The following FRY variants were observed in gnomAD, a reference collection of about 807,000 sequenced individuals.
FRY encodes the protein FRY microtubule binding protein, also known as protein furry homolog.
FRY carries 128 observed loss-of-function variants against 348.4 expected under a neutral mutation model. The ratio of observed to expected loss-of-function variants is 0.37; its 90% confidence interval spans 0.32 to 0.43. The LOEUF (loss-of-function observed/expected upper bound fraction) is 0.43. Ranked by LOEUF, FRY falls within the 20% of genes least tolerant of loss-of-function variation. FRY has a pLI of 1.00. For missense variants in FRY, 2,736 were observed against 3,695.2 expected (o/e 0.74, Z 6.73); for synonymous variants, 1,370 against 1,374.7 (o/e 1.00, Z 0.08).
chr13:32,200,441 A>G (rs965635833), intron 29 of FRY, among the ~76,000 whole-genome samples: 4 of 152,184 alleles, frequency 2.6e-5, no homozygotes, highest in South Asian at 2.1e-4. Context: ...GTTCAACTCA[A>G]CCAGGTGCAG....
rs762344548 is a variant in FRY at position 32,185,101 on chromosome 13, G to A, written c.3272G>A (p.Arg1091Gln). 1.2e-6 allele frequency: 2 copies of A among 1,613,896 alleles called. No homozygotes were observed. Among genetic ancestry groups the A allele is most frequent in the Non-Finnish European group, 1.7e-6 (2 of 1,179,858 alleles). Residue 1091 changes from arginine to glutamine, a missense_variant, in exon 26 of 61, where the codon CGG (arginine) becomes CAG (glutamine). Coordinates refer to ENST00000542859, the MANE Select transcript of FRY (RefSeq NM_023037.3). ...GAAGTTGAAATTCTTAAAGATATCC[G>A]GGCACATTTTAGTGCAATGGTGGCC... Reference protein sequence around the residue: ...DKEVEILKDIRAHFSAMVANL... With the variant: ...DKEVEILKDIQAHFSAMVANL...
At chr13:32,292,536 G>C (rs904677656) in intron 59 of FRY, among the ~76,000 whole-genome samples, 1 of 151,572 alleles carries the variant, frequency 6.6e-6, no homozygotes, top group Non-Finnish European at 1.5e-5. Flanking sequence ...GCTCACGCCT[G>C]TAATCCCAGC....
At chr13:32,263,063 A>G (rs1355600281) in intron 53 of FRY, among the ~76,000 whole-genome samples, 5 of 152,234 alleles carry the variant, frequency 3.3e-5, no homozygotes, top group Admixed American at 2.6e-4. Context: ...CTAACAGTGT[A>G]TATTTCATTT....
intron 51 of FRY, among the ~76,000 whole-genome samples, chr13:32,261,244 A>G (rs1887628972): frequency 6.6e-6 from 1 of 152,212 alleles, no homozygotes; most frequent in African/African-American, 2.4e-5. Flanking sequence ...GGCCGACCTC[A>G]GGGTGGTGGG....
intron 3 of FRY, among the ~76,000 whole-genome samples, chr13:32,105,011 C>T (rs1315516356): frequency 6.6e-6 from 1 of 152,158 alleles, no homozygotes; most frequent in African/African-American, 2.4e-5. Flanking sequence ...AGCGTGAGAA[C>T]AGACTAATAT....
intron 49 of FRY, among the ~76,000 whole-genome samples, chr13:32,251,101 C>T (rs1887055956): frequency 6.6e-6 from 1 of 152,130 alleles, no homozygotes; most frequent in South Asian, 2.1e-4. Flanking sequence ...TTCCACATAA[C>T]AAACCGTAAA....
At position 32,131,675 on chromosome 13, in the gene FRY, C is replaced by T; in HGVS notation, c.720C>T (p.Phe240=). 6.2e-7 allele frequency: 1 copy of T among 1,612,198 alleles called. No individual in the cohort carries two copies. The highest frequency in any genetic ancestry group is 8.5e-7 in the Non-Finnish European group (1 of 1,178,712). The part of the protein sequence containing the change: ...EVIGVLAQAK[F]PAVKKKFMAE... ...ACCACTTATGTTATCTTCTTAGATT[C>T]CCTGCTGTAAAGAAGAAATTTATGG... The change falls in exon 8 of 61, where the codon TTC becomes TTT. Residue 240 remains phenylalanine (F), a synonymous_variant. Transcript: ENST00000542859.
intron 17 of FRY, among the ~76,000 whole-genome samples, chr13:32,163,862 G>A (rs886859254): frequency 1.3e-5 from 2 of 152,142 alleles, no homozygotes; most frequent in African/African-American, 2.4e-5. Context: ...CAAGCCCAAA[G>A]CAATGGATGC....
chr13:32,080,825 G>A (rs1452551461), intron 2 of FRY, among the ~76,000 whole-genome samples: 1 of 152,154 alleles, frequency 6.6e-6, no homozygotes, highest in Non-Finnish European at 1.5e-5. Flanking sequence ...CCCTAGAAAA[G>A]TGCAAAAATG....
chr13:32,194,445 C>T (rs1593722512), intron 29 of FRY, 148 bp downstream of exon 29: 2 of 704,040 alleles, frequency 2.8e-6, no homozygotes, highest in East Asian at 5.4e-5. Flanking sequence ...AGCAGGTAAA[C>T]TACTCCCTGT....
chr13:32,230,625 G>A (rs113249406), intron 40 of FRY, among the ~76,000 whole-genome samples: 3 of 152,316 alleles, frequency 2.0e-5, no homozygotes, highest in African/African-American at 7.2e-5. Context: ...ACATATGCAT[G>A]CATGTGTCTT....
At chr13:32,131,614 C>T (rs1879369743) in intron 7 of FRY, 58 bp from the exon 8 acceptor site, 2 of 1,240,924 alleles carry the variant, frequency 1.6e-6, no homozygotes, top group East Asian at 4.6e-5. Context: ...GCTGGAGGCC[C>T]CCATTACAGG....
intron 44 of FRY, among the ~76,000 whole-genome samples, chr13:32,238,890 A>G (rs1207834889): frequency 2.6e-5 from 4 of 152,190 alleles, no homozygotes; most frequent in Admixed American, 1.3e-4. Flanking sequence ...TGGTTGGCCT[A>G]TGTCCTCTCA....
At position 32,296,203 on chromosome 13, in the gene FRY, T is replaced by G. The variant is rs1463693920; in HGVS notation, c.*743T>G. On this transcript the variant is annotated 3_prime_UTR_variant, in exon 61 of 61. Coordinates refer to ENST00000542859, the MANE Select transcript of FRY (RefSeq NM_023037.3). ...TCTTGGCTGCTTTTTACTAGAAGGTTGCTTTTATGAGCATATTTATACTGC... is the reference window on the plus strand; with the variant it reads ...TCTTGGCTGCTTTTTACTAGAAGGTGGCTTTTATGAGCATATTTATACTGC... 6.5e-6 allele frequency: 1 copy of G among 152,676 alleles called. No individual in the cohort carries two copies. The allele number at this position is 152,676 out of a possible 1,614,324, so 9.5% of individuals were successfully genotyped here. A position where few individuals can be genotyped will look rare whatever the true frequency, so the allele number is the denominator to read the frequency against.
In FRY at chr13:32,288,138, A is replaced by G. The variant is rs559422739; in HGVS notation, c.8470-1495A>G. On this transcript the variant is annotated intron_variant, in intron 58 of 60. Coordinates refer to ENST00000542859, the MANE Select transcript of FRY (RefSeq NM_023037.3). ...TGTGTAATAATTACCATGATTTGGC[A>G]CTTAGGAAAGGCAGAGTTTTCATAG... 5.9e-5 allele frequency among the ~76,000 whole-genome samples: 9 copies of G among 152,342 alleles called. 1 individual carries two copies. In the East Asian group the frequency reaches 1.7e-3, roughly 29 times the overall value.
chr13:32,031,863 A>C lies in FRY; in HGVS notation c.68A>C (p.Asn23Thr). Residue 23 changes from asparagine to threonine, a missense_variant and splice_region_variant, in exon 1 of 61, where the codon AAT (asparagine) becomes ACT (threonine). Physicochemically the swap from Asn to Thr is moderately conservative, Grantham distance 65 (BLOSUM62 0). Transcript: ENST00000542859. ...AAATATTTACTGAAATCCTGGAGTA[A>C]TAGTGAGTAATAGAAAATAACCTTT... Reference protein sequence around the residue: ...SIKYLLKSWSNTSPVGNGYIK... With the variant: ...SIKYLLKSWSTTSPVGNGYIK... 1 of 1,480,368 alleles carries C rather than the reference A, an allele frequency of 6.8e-7. No individual in the cohort carries two copies. The highest frequency in any genetic ancestry group is 9.4e-7 in the Non-Finnish European group (1 of 1,059,470). The allele number at this position is 1,480,368 out of a possible 1,614,324, so 91.7% of individuals were successfully genotyped here.
intron 1 of FRY, among the ~76,000 whole-genome samples, chr13:32,064,613 G>C (rs1383313346): frequency 6.6e-6 from 1 of 152,150 alleles, no homozygotes; most frequent in Admixed American, 6.5e-5. Context: ...GTGAATAAAT[G>C]AACAAATTAG....
intron 1 of FRY, among the ~76,000 whole-genome samples, chr13:32,049,035 AAAGGGAAGGTGT>A (rs1873180461): frequency 6.6e-6 from 1 of 152,200 alleles, no homozygotes. Context: ...TACTTTGATG[AAAGGGAAGGTGT>A]AAGGAAGTTG....
At chr13:32,049,891 AAAT>A (rs1873231961) in intron 1 of FRY, among the ~76,000 whole-genome samples, 1 of 152,230 alleles carries the variant, frequency 6.6e-6, no homozygotes, top group Non-Finnish European at 1.5e-5. Context: ...GCTTTAAAAA[AAAT>A]AGGCAGAAGC....
Sources: gnomAD v4.1 joint callset for allele counts (sites outside exome capture counted in the v4.1 genomes callset) on GRCh38, gnomAD v4.1.1 for gene constraint, MANE v1.5 for transcripts, NCBI Gene and HGNC (gene_info 2026-07-23, HGNC 2026-07-21) for gene names.